B3GALT1: variants seen among roughly 807,000 people sequenced by gnomAD.
B3GALT1 encodes the protein UDP-Gal:betaGlcNAc beta 1,3-galactosyltransferase, polypeptide 1.
In B3GALT1, 10 loss-of-function variants were observed where a neutral mutation model predicts 23.2. The ratio of observed to expected loss-of-function variants is 0.43; its 90% CI spans 0.27 to 0.73. The LOEUF is 0.73. Ranked by LOEUF, B3GALT1 falls within the 30% of genes least tolerant of loss-of-function variation. The pLI, the probability that B3GALT1 is intolerant of heterozygous loss-of-function variation, is 0.21. For synonymous variants in B3GALT1, 156 were observed against 141.5 expected, an observed-to-expected ratio of 1.10 and a Z score of -0.73; for missense variants, 299 against 405.4, an observed-to-expected ratio of 0.74 and a Z score of 2.25.
chr2:167,870,939 T>C lies in B3GALT1; in HGVS notation c.*919T>C, dbSNP rs1172922211. On this transcript the variant is annotated 3_prime_UTR_variant, in exon 5 of 5. Transcript: ENST00000392690. ...GAGAAAATACAAATTTAAGTATGCA[T>C]TATAATTAACATAAGCTTAGCAATA... 3 of 166,866 alleles carry C rather than the reference T, an allele frequency of 1.8e-5. No individual in the cohort carries two copies. Among genetic ancestry groups the C allele is most frequent in the Non-Finnish European group, 4.4e-5 (3 of 68,126 alleles). The allele number at this position is 166,866 out of a possible 1,614,324, so 10.3% of individuals were successfully genotyped here. A position where few individuals can be genotyped will look rare whatever the true frequency, so the allele number is the denominator to read the frequency against.
At chr2:167,446,262 G>A (rs1469510387) in intron 1 of B3GALT1, among the ~76,000 whole-genome samples, 2 of 152,138 alleles carry the variant, frequency 1.3e-5, no homozygotes, top group Non-Finnish European at 2.9e-5. Flanking sequence ...TCCCTTTGTG[G>A]GTAACCTGAC....
Position 167,352,554 on chromosome 2 carries a change from TAAAAAAA to T in B3GALT1, c.-511+59233_-511+59239del, listed in dbSNP as rs763303379. Among the ~76,000 whole-genome samples the T allele has an allele frequency of 3.8e-3, 429 of 113,072 alleles. 4 individuals are homozygous for T. Among genetic ancestry groups the T allele is most frequent in the African/African-American group, 0.013 (395 of 31,096 alleles). 74.2% of individuals were successfully genotyped at this position (113,072 alleles called of 152,430 possible). On this transcript the variant is annotated intron_variant, in intron 1 of 4. Transcript: ENST00000392690. ...TAACACGGTGAAACTCCGTCTCTACTAAAAAAAAAAAAAAAAAAATGCTGGGCGTGGT... is the reference window on the plus strand; with the variant it reads ...TAACACGGTGAAACTCCGTCTCTACTAAAAAAAAAAAATGCTGGGCGTGGT...
At chr2:167,363,995 C>A (rs1191407547) in intron 1 of B3GALT1, among the ~76,000 whole-genome samples, 4 of 151,824 alleles carry the variant, frequency 2.6e-5, no homozygotes, top group African/African-American at 9.7e-5. Context: ...CCCGTCTCTA[C>A]TAAAAACAGA....
At chr2:167,309,893 A>C (rs1323590899) in intron 1 of B3GALT1, among the ~76,000 whole-genome samples, 4 of 152,244 alleles carry the variant, frequency 2.6e-5, no homozygotes, top group South Asian at 2.1e-4. Context: ...GGCAAAAACC[A>C]CAAGTCTACT....
At chr2:167,447,012 G>A (rs184559850) in intron 1 of B3GALT1, among the ~76,000 whole-genome samples, 83 of 152,300 alleles carry the variant, frequency 5.4e-4, no homozygotes, top group African/African-American at 1.8e-3. Flanking sequence ...TTTGGTCTTT[G>A]ATGATGGTGA....
At chr2:167,773,753 T>G in intron 3 of B3GALT1, among the ~76,000 whole-genome samples, 1 of 152,230 alleles carries the variant, frequency 6.6e-6, no homozygotes, top group East Asian at 1.9e-4. Context: ...TGCAACCACA[T>G]GTAATCTGCT....
At chr2:167,835,985 G>C (rs1356931970) in intron 4 of B3GALT1, among the ~76,000 whole-genome samples, 1 of 152,106 alleles carries the variant, frequency 6.6e-6, no homozygotes, top group African/African-American at 2.4e-5. Flanking sequence ...TTTGTTAGAA[G>C]GAAAACTAAC....
In B3GALT1 at chr2:167,388,177, G is replaced by A. The variant is rs73021734; in HGVS notation, c.-511+94843G>A. 9.1e-3 allele frequency among the ~76,000 whole-genome samples: 1,383 copies of A among 152,222 alleles called. 29 individuals are homozygous for A. The highest frequency in any genetic ancestry group is 0.032 in the African/African-American group (1,318 of 41,530). On this transcript the variant is annotated intron_variant, in intron 1 of 4. Coordinates refer to ENST00000392690, the MANE Select transcript of B3GALT1 (RefSeq NM_020981.4). ...TTTATTGGGAGATGTAAAATGATGAGTGATATAGATATCACATATCCCTTA... is the reference window on the plus strand; with the variant it reads ...TTTATTGGGAGATGTAAAATGATGAATGATATAGATATCACATATCCCTTA...
Position 167,868,906 on chromosome 2 carries a change from G to A in B3GALT1, c.-134G>A, listed in dbSNP as rs1047027256. The stretch of plus-strand genomic sequence containing the variant: ...GTGACAGACAGCCACTGAGGCCCAT[G>A]GACAATCTCCACCTCACGCTTCTCT... On this transcript the variant is annotated 5_prime_UTR_variant, in exon 5 of 5. The change abolishes an upstream ATG in the 5' untranslated region. Transcript: ENST00000392690. 3.7e-6 allele frequency: 4 copies of A among 1,084,438 alleles called. No individual in the cohort carries two copies. In the African/African-American group the frequency reaches 6.3e-5, roughly 17 times the overall value. The allele number at this position is 1,084,438 out of a possible 1,614,324, so 67.2% of individuals were successfully genotyped here. A position where few individuals can be genotyped will look rare whatever the true frequency, so the allele number is the denominator to read the frequency against.
chr2:167,713,932 G>C, intron 3 of B3GALT1: 1 of 1,571,924 alleles, frequency 6.4e-7, no homozygotes, highest in Non-Finnish European at 8.8e-7. Context: ...CTCTTCTCGT[G>C]AACAGGCCCC....
chr2:167,560,625 T>C (rs1442853383), intron 2 of B3GALT1, among the ~76,000 whole-genome samples: 1 of 150,712 alleles, frequency 6.6e-6, no homozygotes, highest in Non-Finnish European at 1.5e-5. Context: ...ACCAAGCAAA[T>C]GGAAAACAAA....
intron 3 of B3GALT1, among the ~76,000 whole-genome samples, chr2:167,753,181 A>G (rs1687765708): frequency 6.6e-6 from 1 of 152,218 alleles, no homozygotes; most frequent in South Asian, 2.1e-4. Flanking sequence ...TATGAGCAGT[A>G]CTCATTTTAA....
intron 3 of B3GALT1, among the ~76,000 whole-genome samples, chr2:167,803,711 A>G (rs540742269): frequency 1.3e-5 from 2 of 152,288 alleles, no homozygotes; most frequent in African/African-American, 4.8e-5. Context: ...CAAAAGCCTC[A>G]TAAATGAAAG....
chr2:167,426,038 G>T (rs1698617658), intron 1 of B3GALT1, among the ~76,000 whole-genome samples: 1 of 152,056 alleles, frequency 6.6e-6, no homozygotes, highest in African/African-American at 2.4e-5. Flanking sequence ...AGGATTATTT[G>T]TTATGACTTG....
chr2:167,691,668 ATGT>A (rs1336977411), intron 3 of B3GALT1, among the ~76,000 whole-genome samples: 1 of 152,158 alleles, frequency 6.6e-6, no homozygotes, highest in Non-Finnish European at 1.5e-5. Flanking sequence ...TGCTAAATAA[ATGT>A]TGTGTAATGT....
chr2:167,472,665 T>G (rs1699433903), intron 1 of B3GALT1, among the ~76,000 whole-genome samples: 1 of 152,170 alleles, frequency 6.6e-6, no homozygotes, highest in Admixed American at 6.6e-5. Flanking sequence ...TTCTCTTCTC[T>G]GAATGTTCCG....
intron 2 of B3GALT1, among the ~76,000 whole-genome samples, chr2:167,587,389 A>C (rs975684610): frequency 6.6e-6 from 1 of 152,236 alleles, no homozygotes; most frequent in Non-Finnish European, 1.5e-5. Flanking sequence ...TATACTCATT[A>C]ACTTATTTAG....
intron 1 of B3GALT1, among the ~76,000 whole-genome samples, chr2:167,404,039 C>T (rs1324862467): frequency 6.6e-6 from 1 of 152,048 alleles, no homozygotes; most frequent in Non-Finnish European, 1.5e-5. Flanking sequence ...TTATTTTGCT[C>T]ACAGTTCTTC....
intron 2 of B3GALT1, among the ~76,000 whole-genome samples, chr2:167,644,729 A>G (rs1328484099): frequency 6.8e-6 from 1 of 146,402 alleles, no homozygotes; most frequent in East Asian, 2.1e-4. Context: ...GCAGTGAGCC[A>G]AGATCGCACC....
Sources: gnomAD v4.1 joint callset for allele counts (sites outside exome capture counted in the v4.1 genomes callset) on GRCh38, gnomAD v4.1.1 for gene constraint, MANE v1.5 for transcripts, NCBI Gene and HGNC (gene_info 2026-07-23, HGNC 2026-07-21) for gene names.